Variants in TRAK2 observed in about 807,000 individuals in gnomAD.
The protein encoded by TRAK2 is trafficking kinesin protein 2.
TRAK2 carries 81 observed loss-of-function variants against 104.6 expected under a neutral mutation model. The observed-to-expected ratio is 0.77, with a 90% CI of 0.65 to 0.93. The LOEUF is 0.93. Among genes scored for constraint, TRAK2 ranks in the 40% least tolerant of loss-of-function variants. The pLI, the probability that TRAK2 is intolerant of heterozygous loss-of-function variation, is 0.00. For missense variants in TRAK2, 1,002 were observed against 1,089.0 expected (o/e 0.92, Z 1.12); for synonymous variants, 406 against 394.4 (o/e 1.03, Z -0.35).
At chr2:201,395,238 T>G (rs1951490704) in intron 8 of TRAK2, 76 bp downstream of exon 8, 1 of 1,271,552 alleles carries the variant, frequency 7.9e-7, no homozygotes, top group African/African-American at 1.5e-5. Flanking sequence ...TTGTTTATTG[T>G]ATCTAGCACT....
chr2:201,434,961 T>C (rs1386403484), intron 1 of TRAK2, among the ~76,000 whole-genome samples: 1 of 152,210 alleles, frequency 6.6e-6, no homozygotes, highest in Non-Finnish European at 1.5e-5. Context: ...CGGTCATATG[T>C]AGTTTAGTCA....
intron 2 of TRAK2, chr2:201,411,323 C>A (rs902890096): frequency 1.1e-5 from 8 of 757,038 alleles, no homozygotes; most frequent in Non-Finnish European, 2.0e-5. Context: ...TATGTTTATT[C>A]TGAAACCCAT....
chr2:201,401,900 G>T (rs1489543231), intron 3 of TRAK2, among the ~76,000 whole-genome samples: 1 of 151,974 alleles, frequency 6.6e-6, no homozygotes, highest in Non-Finnish European at 1.5e-5. Flanking sequence ...AACATGATAC[G>T]TTACTGCAGA....
At position 201,422,049 on chromosome 2, in the gene TRAK2, C is replaced by CA. The variant is rs71022367; in HGVS notation, c.-199-1344dup. Among the ~76,000 whole-genome samples, 905 of 90,960 alleles carry CA rather than the reference C, an allele frequency of 9.9e-3. 6 individuals carry two copies. The highest frequency in any genetic ancestry group is 0.04 in the East Asian group (126 of 3,142). 59.7% of individuals were successfully genotyped at this position (90,960 alleles called of 152,430 possible). On this transcript the variant is annotated intron_variant, in intron 1 of 15. Transcript: ENST00000332624. Reference sequence around the variant, plus strand: ...TGGGTGACAGAGCAAGACTCTGTCTCAAAAAAAAAAAAAAAAAAAAGGTGC... The same window carrying CA: ...TGGGTGACAGAGCAAGACTCTGTCTCAAAAAAAAAAAAAAAAAAAAAGGTGC...
Position 201,407,626 on chromosome 2 carries a change from C to T in TRAK2, c.92-29G>A. On this transcript the variant is annotated intron_variant, in intron 2 of 15. Coordinates refer to ENST00000332624, the MANE Select transcript of TRAK2 (RefSeq NM_015049.3). ...AAGAGGAGAGTCTATGTAAATGAAT[C>T]CAATATATTTCAACTTTTACTAGGC... 2 of 1,550,392 alleles carry T rather than the reference C, an allele frequency of 1.3e-6. 1 individual carries two copies. The highest frequency in any genetic ancestry group is 2.4e-5 in the South Asian group (2 of 82,072).
intron 1 of TRAK2, among the ~76,000 whole-genome samples, chr2:201,445,992 G>A (rs1455742240): frequency 1.3e-5 from 2 of 152,152 alleles, no homozygotes; most frequent in East Asian, 3.8e-4. Context: ...TTTTAAGAAG[G>A]ATTTACGGGT....
intron 13 of TRAK2, 85 bp from the exon 14 acceptor site, chr2:201,386,569 A>G: frequency 6.7e-7 from 1 of 1,492,528 alleles, no homozygotes; most frequent in Non-Finnish European, 9.2e-7. Context: ...TATATGTGTA[A>G]TAACAATAAT....
At chr2:201,416,683 T>TTC (rs1481672422) in intron 2 of TRAK2, among the ~76,000 whole-genome samples, 1 of 152,066 alleles carries the variant, frequency 6.6e-6, no homozygotes, top group African/African-American at 2.4e-5. Flanking sequence ...GTAATAATAA[T>TTC]ATGTAGAATG....
Position 201,445,251 on chromosome 2 carries a change from A to C in TRAK2, c.-200+6099T>G, listed in dbSNP as rs572407016. Among the ~76,000 whole-genome samples the C allele has an allele frequency of 2.0e-5, 3 of 152,350 alleles. No individual in the cohort carries two copies. The East Asian group carries it at 5.8e-4, about 29-fold the overall frequency. The stretch of plus-strand genomic sequence containing the variant: ...CATCACTTATATATAAATATTAAGC[A>C]GCCAGTTGAAAAAGAAAATTTCAAT... On this transcript the variant is annotated intron_variant, in intron 1 of 15. Coordinates refer to ENST00000332624, the MANE Select transcript of TRAK2 (RefSeq NM_015049.3).
intron 2 of TRAK2, chr2:201,410,520 A>G (rs1211796204): frequency 9.9e-7 from 1 of 1,012,274 alleles, no homozygotes; most frequent in Non-Finnish European, 1.5e-6. Context: ...ATTGGAACTG[A>G]AATAATCCTT....
At chr2:201,435,846 A>G (rs1338195319) in intron 1 of TRAK2, among the ~76,000 whole-genome samples, 1 of 152,154 alleles carries the variant, frequency 6.6e-6, no homozygotes, top group Non-Finnish European at 1.5e-5. Flanking sequence ...GAGGGAAGAG[A>G]GAGAGGTCTC....
intron 1 of TRAK2, among the ~76,000 whole-genome samples, chr2:201,427,136 C>T (rs1951795760): frequency 6.6e-6 from 1 of 152,116 alleles, no homozygotes; most frequent in South Asian, 2.1e-4. Context: ...TGTCGGCTTC[C>T]CCCTTAGCTT....
At chr2:201,420,114 A>G (rs905807137) in intron 2 of TRAK2, among the ~76,000 whole-genome samples, 6 of 152,200 alleles carry the variant, frequency 3.9e-5, no homozygotes, top group Admixed American at 3.3e-4. Flanking sequence ...TGCAGGGTAT[A>G]CAAACACAGG....
chr2:201,381,303 T>TAACAGGCAA (rs1951343136), intron 15 of TRAK2, 85 bp from the exon 16 acceptor site: 2 of 1,242,374 alleles, frequency 1.6e-6, no homozygotes, highest in African/African-American at 3.0e-5. Context: ...ATTATAGTAG[T>TAACAGGCAA]TATCCTTGGT....
At chr2:201,404,406 C>T (rs1372072221) in intron 3 of TRAK2, among the ~76,000 whole-genome samples, 1 of 152,122 alleles carries the variant, frequency 6.6e-6, no homozygotes, top group Non-Finnish European at 1.5e-5. Context: ...TTTTACAGAA[C>T]AATTTTGCAA....
chr2:201,449,791 C>T (rs193154750), intron 1 of TRAK2, among the ~76,000 whole-genome samples: 2 of 152,022 alleles, frequency 1.3e-5, no homozygotes, highest in African/African-American at 2.4e-5. Flanking sequence ...ACTACAGGCG[C>T]GTGCCACCAC....
Position 201,401,045 on chromosome 2 carries a change from G to A in TRAK2, c.336C>T (p.Ile112=), listed in dbSNP as rs758530203. Residue 112 remains isoleucine, a synonymous_variant, in exon 4 of 16, where the codon ATC becomes ATT. Coordinates refer to ENST00000332624, the MANE Select transcript of TRAK2 (RefSeq NM_015049.3). ...CTGCCAGGAGATGTGTAACCATGTC[G>A]ATGTCATTGTAAGTTTTGGTCATCT... ...VEQMTKTYND[I]DMVTHLLAER... The A allele has an allele frequency of 3.7e-6, 6 of 1,611,208 alleles. No homozygotes were observed. The highest frequency in any genetic ancestry group is 5.1e-6 in the Non-Finnish European group (6 of 1,178,108).
At chr2:201,419,806 C>G (rs1425151109) in intron 2 of TRAK2, among the ~76,000 whole-genome samples, 2 of 152,130 alleles carry the variant, frequency 1.3e-5, no homozygotes, top group Non-Finnish European at 2.9e-5. Context: ...TGGCACTGTA[C>G]ATTAACTGTA....
Position 201,445,394 on chromosome 2 carries a change from CT to C in TRAK2, c.-200+5955del, listed in dbSNP as rs1951957233. ...GATAAATAGTAGTATACAACAGCCT[CT>C]GCCCAAAGGGAGGTTAAAGATTTAA... On this transcript the variant is annotated intron_variant, in intron 1 of 15. Transcript: ENST00000332624. Among the ~76,000 whole-genome samples, 2 of 152,232 alleles carry C rather than the reference CT, an allele frequency of 1.3e-5. 1 individual carries two copies. Among genetic ancestry groups the C allele is most frequent in the South Asian group, 4.1e-4 (2 of 4,836 alleles).
Sources: gnomAD v4.1 joint callset for allele counts (sites outside exome capture counted in the v4.1 genomes callset) on GRCh38, gnomAD v4.1.1 for gene constraint, MANE v1.5 for transcripts, NCBI Gene and HGNC (gene_info 2026-07-23, HGNC 2026-07-21) for gene names.